The following FARP1 variants were observed in gnomAD, a reference collection of about 807,000 sequenced individuals.
The protein encoded by FARP1 is FERM, ARHGEF and pleckstrin domain-containing protein 1.
FARP1 carries 52 observed loss-of-function variants against 128.8 expected under a neutral mutation model. That is an observed-to-expected ratio of 0.40 (90% CI 0.32 to 0.51). FARP1 has a LOEUF of 0.51. FARP1 is among the 20% of genes least tolerant of loss of function. FARP1 has a pLI of 0.45. For missense variants in FARP1, 1,333 were observed against 1,367.9 expected (o/e 0.97, Z 0.40); for synonymous variants, 580 against 551.8 (o/e 1.05, Z -0.72).
At chr13:98,285,498 A>G (rs1457448028) in intron 2 of FARP1, among the ~76,000 whole-genome samples, 1 of 152,216 alleles carries the variant, frequency 6.6e-6, no homozygotes, top group Non-Finnish European at 1.5e-5. Context: ...GGTGCCTGCT[A>G]GACATTAAAA....
chr13:98,425,990 A>C (rs1322198484), intron 17 of FARP1, among the ~76,000 whole-genome samples: 1 of 152,208 alleles, frequency 6.6e-6, no homozygotes, highest in Admixed American at 6.5e-5. Flanking sequence ...AAAACTAATA[A>C]CTGCCCAGAG....
At chr13:98,182,952 T>C (rs1209929053) in intron 1 of FARP1, among the ~76,000 whole-genome samples, 1 of 152,244 alleles carries the variant, frequency 6.6e-6, no homozygotes, top group Non-Finnish European at 1.5e-5. Flanking sequence ...GCTTGGGCAT[T>C]GGCTGTTTTA....
chr13:98,242,125 C>A (rs1196237587), intron 2 of FARP1, among the ~76,000 whole-genome samples: 1 of 152,058 alleles, frequency 6.6e-6, no homozygotes, highest in Non-Finnish European at 1.5e-5. Flanking sequence ...GCTCTGCTTG[C>A]AGTCATTTTA....
At chr13:98,262,502 A>G (rs1233866889) in intron 2 of FARP1, among the ~76,000 whole-genome samples, 1 of 152,144 alleles carries the variant, frequency 6.6e-6, no homozygotes, top group Non-Finnish European at 1.5e-5. Flanking sequence ...TGGAAAGCTG[A>G]GGTCATGAAG....
chr13:98,313,828 C>A (rs1306805153), intron 2 of FARP1, among the ~76,000 whole-genome samples: 1 of 152,198 alleles, frequency 6.6e-6, no homozygotes, highest in Non-Finnish European at 1.5e-5. Flanking sequence ...CATCTCGGCC[C>A]GCTCTTTGCT....
At chr13:98,190,881 A>C (rs955544278) in intron 1 of FARP1, among the ~76,000 whole-genome samples, 1 of 152,090 alleles carries the variant, frequency 6.6e-6, no homozygotes, top group Non-Finnish European at 1.5e-5. Context: ...ATGAGTGATC[A>C]TTCCATGATT....
At chr13:98,308,850 TGGGGTTTCACAAAAAC>T (rs1273534878) in intron 2 of FARP1, among the ~76,000 whole-genome samples, 1 of 151,930 alleles carries the variant, frequency 6.6e-6, no homozygotes. Context: ...TTTGTATTTT[TGGGGTTTCACAAAAAC>T]GGGGTTTCAC....
chr13:98,357,400 A>G (rs1469965597), intron 3 of FARP1, among the ~76,000 whole-genome samples: 1 of 152,320 alleles, frequency 6.6e-6, no homozygotes, highest in South Asian at 2.1e-4. Flanking sequence ...CTTACTGTAC[A>G]TTAGGCTGCT....
intron 2 of FARP1, among the ~76,000 whole-genome samples, chr13:98,263,021 T>C (rs1883952263): frequency 6.6e-6 from 1 of 152,006 alleles, no homozygotes; most frequent in Non-Finnish European, 1.5e-5. Flanking sequence ...TTATTATTGT[T>C]TTTTGGGACA....
intron 2 of FARP1, among the ~76,000 whole-genome samples, chr13:98,270,928 A>G (rs1165617989): frequency 1.3e-5 from 2 of 152,152 alleles, no homozygotes; most frequent in Non-Finnish European, 2.9e-5. Flanking sequence ...TCTAGATGCC[A>G]CCCTCTGAGC....
chr13:98,207,908 C>CCGCA (rs1555327643), intron 1 of FARP1, among the ~76,000 whole-genome samples: 1 of 71,574 alleles, frequency 1.4e-5, no homozygotes, highest in Admixed American at 1.6e-4. Flanking sequence ...ACCACCACCT[C>CCGCA]CACACACACA....
chr13:98,323,253 T>A lies in FARP1; in HGVS notation c.172-20509T>A, dbSNP rs568645417. 7.6e-4 allele frequency among the ~76,000 whole-genome samples: 116 copies of A among 152,328 alleles called. 1 individual carries two copies. Among genetic ancestry groups the A allele is most frequent in the Middle Eastern group, 6.8e-3 (2 of 294 alleles). On this transcript the variant is annotated intron_variant, in intron 2 of 26. Transcript: ENST00000319562. Reference sequence around the variant, plus strand: ...CAGTTGTCATGCACATATTTTATAATAAAATTTTAGATTTGTTGCCACAGT... The same window carrying A: ...CAGTTGTCATGCACATATTTTATAAAAAAATTTTAGATTTGTTGCCACAGT...
chr13:98,423,834 T>C (rs75378727), intron 16 of FARP1, among the ~76,000 whole-genome samples: 2,867 of 152,298 alleles, frequency 0.019, 98 homozygotes, highest in African/African-American at 0.065. Context: ...CTACCATCCA[T>C]GTTTTTATAT....
chr13:98,286,081 CT>C (rs547266891), intron 2 of FARP1, among the ~76,000 whole-genome samples: 23 of 152,240 alleles, frequency 1.5e-4, no homozygotes, highest in Middle Eastern at 3.4e-3. Context: ...TTATTCTTTC[CT>C]CGCTTAGAAC....
In FARP1 at chr13:98,446,674, T is replaced by A. The variant is rs1271134394; in HGVS notation, c.2913T>A (p.His971Gln). The A allele has an allele frequency of 3.1e-6, 5 of 1,613,856 alleles. No individual in the cohort carries two copies. The highest frequency in any genetic ancestry group is 2.7e-5 in the African/African-American group (2 of 74,876). Residue 971 changes from histidine to glutamine, a missense_variant, in exon 26 of 27, where the codon CAT (histidine) becomes CAA (glutamine). His to Gln is a conservative substitution (Grantham distance 24, BLOSUM62 0). Transcript: ENST00000319562. The stretch of plus-strand genomic sequence containing the variant: ...TTGTTTCCCCTTTCCAGGACAATCA[T>A]CCCCTTGCCAGCCTGCCTCTGCTCG... ...LFFYKSHQDN[H>Q]PLASLPLLGY...
At chr13:98,192,794 A>G (rs1403622621) in intron 1 of FARP1, among the ~76,000 whole-genome samples, 1 of 152,222 alleles carries the variant, frequency 6.6e-6, no homozygotes, top group Non-Finnish European at 1.5e-5. Context: ...TGACCAGAAA[A>G]GTGAGGAAGC....
At chr13:98,291,462 T>C (rs928632422) in intron 2 of FARP1, among the ~76,000 whole-genome samples, 28 of 152,216 alleles carry the variant, frequency 1.8e-4, no homozygotes, top group Admixed American at 4.6e-4. Context: ...GCCAAATGTA[T>C]TTGGGTCTGT....
At chr13:98,391,808 C>T (rs1445340099) in intron 11 of FARP1, among the ~76,000 whole-genome samples, 1 of 152,180 alleles carries the variant, frequency 6.6e-6, no homozygotes, top group Non-Finnish European at 1.5e-5. Context: ...AGCCAGCCAG[C>T]TCCCAAGCCC....
chr13:98,208,711 TG>T (rs1880462797), intron 1 of FARP1: 2 of 152,742 alleles, frequency 1.3e-5, no homozygotes, highest in African/African-American at 4.8e-5. Flanking sequence ...AGTGATCAGG[TG>T]TTTCCTAGAC....
Sources: gnomAD v4.1 joint callset for allele counts (sites outside exome capture counted in the v4.1 genomes callset) on GRCh38, gnomAD v4.1.1 for gene constraint, MANE v1.5 for transcripts, NCBI Gene and HGNC (gene_info 2026-07-23, HGNC 2026-07-21) for gene names.